DOK6: variants seen among roughly 807,000 people sequenced by gnomAD.
The protein encoded by DOK6 is downstream of tyrosine kinase 6.
In DOK6, 22 loss-of-function variants were observed where a neutral mutation model predicts 44.0. That is an observed-to-expected ratio of 0.50 (90% CI 0.36 to 0.71). The LOEUF (loss-of-function observed/expected upper bound fraction) is 0.71, where lower values mean the gene tolerates loss of function less well. Ranked by LOEUF, DOK6 falls within the 30% of genes least tolerant of loss-of-function variation. The pLI is 0.00. For missense variants in DOK6, 340 were observed against 416.4 expected, an observed-to-expected ratio of 0.82 and a Z score of 1.60; for synonymous variants, 166 against 145.5, an observed-to-expected ratio of 1.14 and a Z score of -1.01.
At chr18:69,768,948 G>GGTGTGTGTGTGTGTGT (rs1341229658) in intron 7 of DOK6, among the ~76,000 whole-genome samples, 18 of 37,694 alleles carry the variant, frequency 4.8e-4, no homozygotes, top group African/African-American at 7.8e-4. Flanking sequence ...AGATTTGAAG[G>GGTGTGTGTGTGTGTGT]GTGTGCGTGT....
In DOK6 at chr18:69,668,184, C is replaced by A. The variant is rs548558894; in HGVS notation, c.290-9550C>A. 6.6e-5 allele frequency among the ~76,000 whole-genome samples: 10 copies of A among 152,210 alleles called. No individual in the cohort carries two copies. The South Asian group carries it at 1.7e-3, about 25-fold the overall frequency. On this transcript the variant is annotated intron_variant, in intron 3 of 7. Transcript: ENST00000382713. Reference sequence around the variant, plus strand: ...AAATGTGAATGATTCTCATCGCCACCATTCCCCACTCCACTGCTATATTGA... The same window carrying A: ...AAATGTGAATGATTCTCATCGCCACAATTCCCCACTCCACTGCTATATTGA...
intron 7 of DOK6, among the ~76,000 whole-genome samples, chr18:69,825,498 C>T (rs959060799): frequency 5.7e-5 from 8 of 139,984 alleles, no homozygotes; most frequent in Admixed American, 4.5e-4. Flanking sequence ...TGCAGTGGCA[C>T]GATCTCGGCT....
At chr18:69,576,262 T>C (rs1013101351) in intron 2 of DOK6, among the ~76,000 whole-genome samples, 7 of 152,158 alleles carry the variant, frequency 4.6e-5, no homozygotes, top group African/African-American at 7.2e-5. Flanking sequence ...CTTAGAGAAA[T>C]AGACTAGTGT....
intron 1 of DOK6, among the ~76,000 whole-genome samples, chr18:69,405,783 T>C (rs1182422722): frequency 6.6e-6 from 1 of 152,162 alleles, no homozygotes; most frequent in Non-Finnish European, 1.5e-5. Flanking sequence ...GCAATAAATA[T>C]ATTTAAGATA....
At chr18:69,550,974 G>A (rs1233787578) in intron 1 of DOK6, among the ~76,000 whole-genome samples, 1 of 151,108 alleles carries the variant, frequency 6.6e-6, no homozygotes, top group African/African-American at 2.4e-5. Flanking sequence ...AGTAGAGACA[G>A]GATTTCATCA....
intron 3 of DOK6, among the ~76,000 whole-genome samples, chr18:69,629,675 C>T (rs1476508957): frequency 6.6e-6 from 1 of 152,142 alleles, no homozygotes; most frequent in African/African-American, 2.4e-5. Flanking sequence ...TGATCATTTC[C>T]ACCCTGAAGG....
chr18:69,724,561 TCAA>T (rs1339276125), intron 5 of DOK6, among the ~76,000 whole-genome samples: 1 of 152,248 alleles, frequency 6.6e-6, no homozygotes, highest in African/African-American at 2.4e-5. Flanking sequence ...TAAATTTCTC[TCAA>T]CAACTTTCCT....
intron 1 of DOK6, among the ~76,000 whole-genome samples, chr18:69,494,916 T>C (rs950875024): frequency 1.3e-5 from 2 of 152,186 alleles, no homozygotes; most frequent in Non-Finnish European, 2.9e-5. Context: ...TGCACCCACT[T>C]AGCTTGGCAG....
Position 69,841,333 on chromosome 18 carries a change from T to C in DOK6, c.946T>C (p.Ser316Pro), listed in dbSNP as rs1023459396. ...EQSEEAQQPL[S>P]RSSSYGFSYS... is the part of the protein sequence containing the mutation. ...GAGTGAAGAGGCCCAGCAGCCGTTGTCGCGGTCCAGCAGCTATGGATTCAG... is the reference window on the plus strand; with the variant it reads ...GAGTGAAGAGGCCCAGCAGCCGTTGCCGCGGTCCAGCAGCTATGGATTCAG... The change falls in exon 8 of 8, where the codon TCG becomes CCG. Residue 316 changes from serine (S) to proline (P), a missense_variant. By Grantham distance (74) the Ser-to-Pro change is moderately conservative. Around this residue, in one of 3 missense-constraint regions of DOK6, gnomAD observed 112 missense variants for 109.3 expected, o/e 1.02. Transcript: ENST00000382713. 1 of 1,614,182 alleles carries C rather than the reference T, an allele frequency of 6.2e-7. No individual in the cohort carries two copies. The highest frequency in any genetic ancestry group is 1.7e-5 in the Admixed American group (1 of 60,022).
intron 6 of DOK6, among the ~76,000 whole-genome samples, chr18:69,750,779 T>C (rs576423156): frequency 6.6e-6 from 1 of 152,356 alleles, no homozygotes; most frequent in East Asian, 1.9e-4. Flanking sequence ...AATTCTCTTA[T>C]ATTCACTGCA....
At position 69,528,905 on chromosome 18, in the gene DOK6, A is replaced by G. The variant is rs1210945845; in HGVS notation, c.67-35582A>G. ...ATTTTCCTTGCCCTGACAGGTCCAC[A>G]GGGCAAAATAATATGGCTCTTCCAG... On this transcript the variant is annotated intron_variant, in intron 1 of 7. Transcript: ENST00000382713. Among the ~76,000 whole-genome samples the G allele has an allele frequency of 2.6e-5, 4 of 152,346 alleles. No individual in the cohort carries two copies. The East Asian group carries it at 7.7e-4, about 29-fold the overall frequency.
intron 1 of DOK6, among the ~76,000 whole-genome samples, chr18:69,501,495 T>G (rs190217059): frequency 2.0e-3 from 301 of 152,302 alleles, no homozygotes; most frequent in African/African-American, 6.7e-3. Flanking sequence ...CAATATCTTT[T>G]CTTCTCAAGG....
At chr18:69,652,641 A>T (rs1050746293) in intron 3 of DOK6, among the ~76,000 whole-genome samples, 1 of 151,852 alleles carries the variant, frequency 6.6e-6, no homozygotes, top group Non-Finnish European at 1.5e-5. Context: ...ATGTGATGAG[A>T]CTCTTTTCCT....
At chr18:69,778,124 C>G (rs918774463) in intron 7 of DOK6, among the ~76,000 whole-genome samples, 2 of 151,844 alleles carry the variant, frequency 1.3e-5, no homozygotes, top group African/African-American at 4.8e-5. Flanking sequence ...AATAAAGTAA[C>G]AAAGAAAGAA....
At chr18:69,797,430 A>G (rs540208437) in intron 7 of DOK6, among the ~76,000 whole-genome samples, 2 of 152,272 alleles carry the variant, frequency 1.3e-5, no homozygotes, top group South Asian at 4.1e-4. Context: ...ATACCCTCAT[A>G]CATTAAGGCA....
intron 1 of DOK6, among the ~76,000 whole-genome samples, chr18:69,547,915 T>G (rs972583232): frequency 2.7e-5 from 4 of 146,298 alleles, no homozygotes; most frequent in African/African-American, 9.9e-5. Flanking sequence ...TTCCATTGTA[T>G]CTATATATAA....
rs1253363043 is a variant in DOK6, at chr18:69,505,313, C to A, written c.67-59174C>A. On this transcript the variant is annotated intron_variant, in intron 1 of 7. Transcript: ENST00000382713. ...CTATCAGTCTTTTTATATAATTGGC[C>A]AAGTCCACTGCGGTAACTACTATCT... is the stretch of plus-strand genomic sequence containing the variant. 5.3e-5 allele frequency among the ~76,000 whole-genome samples: 8 copies of A among 151,876 alleles called. No individual in the cohort carries two copies. The East Asian group carries it at 1.5e-3, about 29-fold the overall frequency.
At chr18:69,430,977 G>A (rs1978791135) in intron 1 of DOK6, among the ~76,000 whole-genome samples, 1 of 151,978 alleles carries the variant, frequency 6.6e-6, no homozygotes, top group Non-Finnish European at 1.5e-5. Context: ...AATAAAAGAA[G>A]ATTACTAATG....
intron 1 of DOK6, among the ~76,000 whole-genome samples, chr18:69,443,931 C>T (rs1282485086): frequency 8.2e-6 from 1 of 122,364 alleles, no homozygotes; most frequent in Non-Finnish European, 1.7e-5. Context: ...TTGTACTTAC[C>T]ACATTCCATA....
Sources: allele counts gnomAD v4.1 joint callset (sites outside exome capture counted in the v4.1 genomes callset), GRCh38; gene constraint gnomAD v4.1.1; regional missense constraint gnomAD v4.1.1; transcripts MANE v1.5; gene names NCBI Gene and HGNC (gene_info 2026-07-23, HGNC 2026-07-21).